The following NFIX variants were observed in gnomAD, a reference collection of about 807,000 sequenced individuals.
NFIX encodes nuclear factor I X.
NFIX carries 2 observed loss-of-function variants against 53.3 expected under a neutral mutation model. The observed-to-expected ratio is 0.04, with a 90% CI of 0.02 to 0.12. The LOEUF (loss-of-function observed/expected upper bound fraction) is 0.12, where lower values mean the gene tolerates loss of function less well. Ranked by LOEUF, NFIX falls within the 10% of genes least tolerant of loss-of-function variation. NFIX has a pLI of 1.00. For synonymous variants in NFIX, 244 were observed against 289.0 expected, an observed-to-expected ratio of 0.84 and a Z score of 1.58; for missense variants, 310 against 674.5, an observed-to-expected ratio of 0.46 and a Z score of 5.99.
chr19:13,091,299 C>G (rs2018121669), intron 10 of NFIX, among the ~76,000 whole-genome samples: 2 of 150,614 alleles, frequency 1.3e-5, no homozygotes, highest in Non-Finnish European at 2.9e-5. Flanking sequence ...ATCTCCTGCT[C>G]TGCCTCTGTT....
At chr19:13,015,450 C>G (rs1038021166) in intron 1 of NFIX, among the ~76,000 whole-genome samples, 1 of 152,178 alleles carries the variant, frequency 6.6e-6, no homozygotes, top group Admixed American at 6.5e-5. Flanking sequence ...TCTCTGCTCT[C>G]TTCTCTTGAT....
intron 8 of NFIX, among the ~76,000 whole-genome samples, chr19:13,085,930 G>A (rs149632861): frequency 1.1e-4 from 16 of 152,324 alleles, no homozygotes; most frequent in African/African-American, 3.6e-4. Context: ...AGCTGGCAGG[G>A]ATGGGGGAGT....
Position 12,995,506 on chromosome 19 carries a change from T to TGCGGCG in NFIX, c.-318_-313dup, listed in dbSNP as rs915304342. The TGCGGCG allele has an allele frequency of 2.0e-5, 3 of 151,836 alleles. No homozygotes were observed. The highest frequency in any genetic ancestry group is 2.9e-5 in the Non-Finnish European group (2 of 69,766). The allele number at this position is 151,836 out of a possible 1,614,324, so 9.4% of individuals were successfully genotyped here. On this transcript the variant is annotated 5_prime_UTR_variant, in exon 1 of 11. Transcript: ENST00000592199. ...ACTTTCACTTTCACAGCGCGGCGGC[T>TGCGGCG]GCGGCGGCGGCGGCGGCGGGCGAGG...
chr19:13,032,495 GCA>G (rs1490777588), intron 2 of NFIX, among the ~76,000 whole-genome samples: 1 of 152,196 alleles, frequency 6.6e-6, no homozygotes, highest in Non-Finnish European at 1.5e-5. Flanking sequence ...CTGTGGATTT[GCA>G]CAGTTGTGAA....
chr19:12,995,487 A>AC lies in NFIX; in HGVS notation c.-350dup, dbSNP rs2145116199. On this transcript the variant is annotated 5_prime_UTR_variant, in exon 1 of 11. Transcript: ENST00000592199. ...GCTTCCAAACTTTGTCTAAACTTTC[A>AC]CTTTCACAGCGCGGCGGCTGCGGCG... 1 of 154,600 alleles carries AC rather than the reference A, an allele frequency of 6.5e-6. No individual in the cohort carries two copies. The highest frequency in any genetic ancestry group is 1.8e-4 in the South Asian group (1 of 5,676). The allele number at this position is 154,600 out of a possible 1,614,324, so 9.6% of individuals were successfully genotyped here. A position where few individuals can be genotyped will look rare whatever the true frequency, so the allele number is the denominator to read the frequency against.
At position 13,012,562 on chromosome 19, in the gene NFIX, T is replaced by A. The variant is rs540645529; in HGVS notation, c.28-12459T>A. ...AAAGGGGCTCCGATGTCGGCATTTT[T>A]GCCTTAAGGCTAGTTTGTCCCCCAG... On this transcript the variant is annotated intron_variant, in intron 1 of 10. Transcript: ENST00000592199. This position sits in a 1 kb window ranked among gnomAD's most constrained non-coding sequence, Gnocchi z 5.0. Among the ~76,000 whole-genome samples the A allele has an allele frequency of 6.6e-6, 1 of 152,318 alleles. No individual in the cohort carries two copies. The highest frequency in any genetic ancestry group is 1.5e-5 in the Non-Finnish European group (1 of 68,014).
At position 13,088,283 on chromosome 19, in the gene NFIX, C is replaced by T. The variant is rs1327861851; in HGVS notation, c.1402+147C>T. The T allele has an allele frequency of 7.0e-6, 7 of 1,006,984 alleles. No individual in the cohort carries two copies. The highest frequency in any genetic ancestry group is 2.6e-5 in the East Asian group (1 of 37,800). The allele number at this position is 1,006,984 out of a possible 1,614,324, so 62.4% of individuals were successfully genotyped here. A position where few individuals can be genotyped will look rare whatever the true frequency, so the allele number is the denominator to read the frequency against. On this transcript the variant is annotated intron_variant, in intron 9 of 10. Coordinates refer to ENST00000592199, the MANE Select transcript of NFIX (RefSeq NM_001365902.3). The surrounding 1 kb of genome is among the most constrained non-coding windows in gnomAD (Gnocchi z 5.9). ...CATGGACAAGAGCAGAGCCGAGCCC[C>T]CCAACCACAGCCTCCCTCCCGGGCC...
chr19:13,081,606 C>T lies in NFIX; in HGVS notation c.1079-74C>T. 6.7e-7 allele frequency: 1 copy of T among 1,496,064 alleles called. No homozygotes were observed. Among genetic ancestry groups the T allele is most frequent in the Admixed American group, 1.9e-5 (1 of 54,002 alleles). 92.7% of individuals were successfully genotyped at this position (1,496,064 alleles called of 1,614,324 possible). A position where few individuals can be genotyped will look rare whatever the true frequency, so the allele number is the denominator to read the frequency against. The stretch of plus-strand genomic sequence containing the variant: ...TCAGGACCCTCTGACCGGCAGCTCC[C>T]CTCCTCTCCTGTCCCTCCCACTGGC... On this transcript the variant is annotated intron_variant, in intron 7 of 10. Coordinates refer to ENST00000592199, the MANE Select transcript of NFIX (RefSeq NM_001365902.3). The surrounding 1 kb of genome is among the most constrained non-coding windows in gnomAD (Gnocchi z 4.7).
At chr19:12,999,935 C>T (rs1351327300) in intron 1 of NFIX, among the ~76,000 whole-genome samples, 2 of 152,166 alleles carry the variant, frequency 1.3e-5, no homozygotes, top group Admixed American at 6.5e-5. Flanking sequence ...GAGGTGTGCC[C>T]AGGTGTGGGC....
intron 1 of NFIX, among the ~76,000 whole-genome samples, chr19:13,003,272 G>C (rs2011821777): frequency 6.6e-6 from 1 of 152,050 alleles, no homozygotes; most frequent in Non-Finnish European, 1.5e-5. Context: ...ACACCTTGAG[G>C]CACCCGGCCA....
At position 13,025,958 on chromosome 19, in the gene NFIX, G is replaced by C. The variant is rs1165730528; in HGVS notation, c.559+406G>C. On this transcript the variant is annotated intron_variant, in intron 2 of 10. Transcript: ENST00000592199. The surrounding 1 kb of genome is among the most constrained non-coding windows in gnomAD (Gnocchi z 7.5). ...AGTCAGAAGAAGTATTGAGGGGCAG[G>C]TGCTAGTTTTACTGCAGCTTCACCT... Among the ~76,000 whole-genome samples the C allele has an allele frequency of 6.6e-6, 1 of 152,174 alleles. No individual in the cohort carries two copies. The highest frequency in any genetic ancestry group is 1.5e-5 in the Non-Finnish European group (1 of 68,036).
Position 13,094,726 on chromosome 19 carries a change from A to G in NFIX, c.*77A>G, listed in dbSNP as rs2018335992. 6.9e-7 allele frequency: 1 copy of G among 1,455,124 alleles called. No homozygotes were observed. The highest frequency in any genetic ancestry group is 9.3e-7 in the Non-Finnish European group (1 of 1,074,016). The allele number at this position is 1,455,124 out of a possible 1,614,324, so 90.1% of individuals were successfully genotyped here. A position where few individuals can be genotyped will look rare whatever the true frequency, so the allele number is the denominator to read the frequency against. ...GGGGAGAAGAAATTTTGAGAATGGA[A>G]AAATCCCCCAGCCCAGCCCAGCCCC... On this transcript the variant is annotated 3_prime_UTR_variant, in exon 11 of 11. Transcript: ENST00000592199. The surrounding 1 kb of genome is among the most constrained non-coding windows in gnomAD (Gnocchi z 4.3).
In NFIX at chr19:13,036,045, C is replaced by A. The variant is rs2014163079; in HGVS notation, c.559+10493C>A. Among the ~76,000 whole-genome samples, 1 of 152,186 alleles carries A rather than the reference C, an allele frequency of 6.6e-6. No homozygotes were observed. The highest frequency in any genetic ancestry group is 2.4e-5 in the African/African-American group (1 of 41,454). On this transcript the variant is annotated intron_variant, in intron 2 of 10. Coordinates refer to ENST00000592199, the MANE Select transcript of NFIX (RefSeq NM_001365902.3). The surrounding 1 kb of genome is among the most constrained non-coding windows in gnomAD (Gnocchi z 4.7). Reference sequence around the variant, plus strand: ...TGGGGGATTCCTGCTGGTGGTATAACCCCGACCACAGAAGTCAGGGCCTAA... The same window carrying A: ...TGGGGGATTCCTGCTGGTGGTATAAACCCGACCACAGAAGTCAGGGCCTAA...
chr19:13,034,256 C>A (rs2014019880), intron 2 of NFIX, among the ~76,000 whole-genome samples: 1 of 152,224 alleles, frequency 6.6e-6, no homozygotes, highest in Non-Finnish European at 1.5e-5. Context: ...AGGGCTCCCC[C>A]AGTGGCTGAG....
At chr19:12,999,646 G>C (rs981576924) in intron 1 of NFIX, among the ~76,000 whole-genome samples, 1 of 152,148 alleles carries the variant, frequency 6.6e-6, no homozygotes, top group African/African-American at 2.4e-5. Context: ...GACACGCAGC[G>C]ACCTACGCCC....
rs1208436429 is a variant in NFIX, at chr19:13,081,386, C to T, written c.1079-294C>T. 6.6e-6 allele frequency among the ~76,000 whole-genome samples: 1 copy of T among 152,218 alleles called. No homozygotes were observed. Among genetic ancestry groups the T allele is most frequent in the Non-Finnish European group, 1.5e-5 (1 of 68,048 alleles). On this transcript the variant is annotated intron_variant, in intron 7 of 10. Transcript: ENST00000592199. The surrounding 1 kb of genome is among the most constrained non-coding windows in gnomAD (Gnocchi z 4.7). ...CCTGCCTCATCTGCCTCATCCTAATCTCCCAGCGCTGGTTGTGATCAAACT... is the reference window on the plus strand; with the variant it reads ...CCTGCCTCATCTGCCTCATCCTAATTTCCCAGCGCTGGTTGTGATCAAACT...
At chr19:13,046,537 C>T (rs2014999932) in intron 2 of NFIX, among the ~76,000 whole-genome samples, 1 of 151,816 alleles carries the variant, frequency 6.6e-6, no homozygotes, top group African/African-American at 2.4e-5. Context: ...TGCATACACT[C>T]TTTTTCTTCC....
At chr19:13,087,881 T>C in intron 8 of NFIX, 108 bp from the exon 9 acceptor site, 1 of 1,332,870 alleles carries the variant, frequency 7.5e-7, no homozygotes. Context: ...TCCTGGATCT[T>C]CCACCGGGAG....
rs1470722606 is a variant in NFIX, at chr19:13,059,412, A to G, written c.560-13635A>G. On this transcript the variant is annotated intron_variant, in intron 2 of 10. Transcript: ENST00000592199. Reference sequence around the variant, plus strand: ...CAGTGTATTCCTCCTCCCTTCTCCCACTTGCATTCTGGGAGCTAGTGGGAG... The same window carrying G: ...CAGTGTATTCCTCCTCCCTTCTCCCGCTTGCATTCTGGGAGCTAGTGGGAG... 2.6e-5 allele frequency among the ~76,000 whole-genome samples: 4 copies of G among 152,028 alleles called. No homozygotes were observed. The East Asian group carries it at 7.7e-4, about 29-fold the overall frequency.
Sources: allele counts gnomAD v4.1 joint callset (sites outside exome capture counted in the v4.1 genomes callset), GRCh38; gene constraint gnomAD v4.1.1; non-coding constraint Gnocchi (gnomAD v3.1); transcripts MANE v1.5; gene names NCBI Gene and HGNC (gene_info 2026-07-23, HGNC 2026-07-21).